Variants in TRIM40 observed in about 807,000 individuals in gnomAD.
TRIM40 encodes the protein tripartite motif containing 40.
A neutral mutation model predicts 26.1 loss-of-function variants in TRIM40; 27 were observed. The ratio of observed to expected loss-of-function variants is 1.04; its 90% CI spans 0.76 to 1.43. The LOEUF (loss-of-function observed/expected upper bound fraction) is 1.43. Ranked by LOEUF, TRIM40 falls within the 40% of genes most tolerant of loss-of-function variation. The pLI, the probability that TRIM40 is intolerant of heterozygous loss-of-function variation, is 0.00. For synonymous variants in TRIM40, 114 were observed against 120.0 expected (o/e 0.95, Z 0.33); for missense variants, 289 against 307.9 (o/e 0.94, Z 0.46).
chr6:30,139,816 A>C (rs911585703), intron 2 of TRIM40, among the ~76,000 whole-genome samples: 4 of 152,168 alleles, frequency 2.6e-5, no homozygotes, highest in Non-Finnish European at 5.9e-5. Flanking sequence ...TATTTGAAGA[A>C]TTTATCATTA....
rs575174394 is a variant in TRIM40, at chr6:30,148,663, C to T, written c.*851C>T. On this transcript the variant is annotated 3_prime_UTR_variant, in exon 6 of 6. Coordinates refer to ENST00000396581, the MANE Select transcript of TRIM40 (RefSeq NM_001286633.2). ...GTCTTGTGAGTACCTAAGCTGAGGA[C>T]CCAGTGAAGCTGTGCCAAAATTTCC... The T allele has an allele frequency of 6.6e-6, 1 of 152,172 alleles. No individual in the cohort carries two copies. Among genetic ancestry groups the T allele is most frequent in the African/African-American group, 2.4e-5 (1 of 41,428 alleles). 9.4% of individuals were successfully genotyped at this position (152,172 alleles called of 1,614,324 possible).
chr6:30,145,785 AC>A (rs907503669), intron 2 of TRIM40, among the ~76,000 whole-genome samples: 5 of 152,224 alleles, frequency 3.3e-5, no homozygotes, highest in Admixed American at 6.5e-5. Flanking sequence ...TAAAAAAATT[AC>A]CCATTACTAT....
chr6:30,146,857 C>G (rs894299559), intron 3 of TRIM40, 128 bp from the exon 4 acceptor site: 4 of 896,938 alleles, frequency 4.5e-6, no homozygotes, highest in South Asian at 1.7e-5. Flanking sequence ...ATACCTGTGA[C>G]ACACAGAGGC....
intron 2 of TRIM40, among the ~76,000 whole-genome samples, chr6:30,139,820 A>G (rs944344738): frequency 6.6e-6 from 1 of 152,224 alleles, no homozygotes; most frequent in Admixed American, 6.5e-5. Context: ...TGAAGAATTT[A>G]TCATTAGAGT....
intron 3 of TRIM40, 29 bp from the exon 4 acceptor site, chr6:30,146,956 C>T (rs753500687): frequency 1.3e-6 from 2 of 1,554,652 alleles, no homozygotes; most frequent in South Asian, 2.4e-5. Flanking sequence ...CCACCTGACA[C>T]TGAGTCTTAG....
intron 2 of TRIM40, among the ~76,000 whole-genome samples, chr6:30,140,827 G>A (rs571834774): frequency 5.6e-4 from 86 of 152,282 alleles, no homozygotes; most frequent in African/African-American, 1.9e-3. Context: ...TGGTAGAACA[G>A]GTTTGAATGC....
intron 2 of TRIM40, among the ~76,000 whole-genome samples, chr6:30,145,726 A>T (rs965196093): frequency 6.6e-6 from 1 of 152,258 alleles, no homozygotes; most frequent in African/African-American, 2.4e-5. Flanking sequence ...GAAGTCAAGT[A>T]GAAATGGTTC....
At chr6:30,146,235 G>A (rs188277226) in intron 3 of TRIM40, 146 bp downstream of exon 3, 139 of 674,676 alleles carry the variant, frequency 2.1e-4, no homozygotes, top group African/African-American at 1.9e-3. Context: ...TGGCCTTGGC[G>A]TCAAAGTTTG....
intron 2 of TRIM40, among the ~76,000 whole-genome samples, chr6:30,140,980 A>G (rs1006369221): frequency 6.6e-6 from 1 of 152,100 alleles, no homozygotes; most frequent in Admixed American, 6.5e-5. Flanking sequence ...CCAGGCAAAG[A>G]CAATATTTAA....
intron 2 of TRIM40, among the ~76,000 whole-genome samples, chr6:30,144,983 A>G (rs1471134303): frequency 6.6e-6 from 1 of 152,072 alleles, no homozygotes; most frequent in Non-Finnish European, 1.5e-5. Flanking sequence ...TGCAGGAAAC[A>G]CCCAGTGACG....
intron 2 of TRIM40, among the ~76,000 whole-genome samples, chr6:30,143,982 G>A (rs1771501237): frequency 2.0e-5 from 3 of 151,992 alleles, no homozygotes; most frequent in Admixed American, 1.3e-4. Flanking sequence ...ACCTTAATAG[G>A]CCTGACTTTG....
At position 30,147,537 on chromosome 6, in the gene TRIM40, G is replaced by C. The variant is rs756126462; in HGVS notation, c.684G>C (p.Leu228=). The change falls in exon 5 of 6, where the codon CTG becomes CTC. Residue 228 remains leucine, a synonymous_variant. Transcript: ENST00000396581. Reference sequence around the variant, plus strand: ...TCTCCTAGAATGCTGGTGACTTACTGAACAGGTACGAGCTGTCCCTTCTTC... The same window carrying C: ...TCTCCTAGAATGCTGGTGACTTACTCAACAGGTACGAGCTGTCCCTTCTTC... The part of the protein sequence containing the change: ...TNTLKNAGDL[L]NRSAPQKLEV... 6.2e-7 allele frequency: 1 copy of C among 1,614,130 alleles called. No individual in the cohort carries two copies. Among genetic ancestry groups the C allele is most frequent in the Admixed American group, 1.7e-5 (1 of 60,016 alleles).
intron 2 of TRIM40, among the ~76,000 whole-genome samples, chr6:30,145,150 T>A (rs1771571744): frequency 6.6e-6 from 1 of 152,000 alleles, no homozygotes; most frequent in African/African-American, 2.4e-5. Context: ...TTCAGTTGTC[T>A]TCACCATCCC....
At chr6:30,140,113 C>T (rs965744431) in intron 2 of TRIM40, among the ~76,000 whole-genome samples, 10 of 152,224 alleles carry the variant, frequency 6.6e-5, no homozygotes, top group Admixed American at 2.0e-4. Context: ...CGCTTTTACA[C>T]TGTTGGTGGG....
chr6:30,145,932 C>A, intron 2 of TRIM40, 62 bp from the exon 3 acceptor site: 1 of 1,328,870 alleles, frequency 7.5e-7, no homozygotes, highest in Non-Finnish European at 1.1e-6. Flanking sequence ...GTTCCATTGA[C>A]TCCTCCCAGT....
At chr6:30,140,878 G>A (rs115149780) in intron 2 of TRIM40, among the ~76,000 whole-genome samples, 1,685 of 152,288 alleles carry the variant, frequency 0.011, 24 homozygotes, top group African/African-American at 0.034. Context: ...AGTCCAAGTT[G>A]AGACACATCA....
At chr6:30,142,224 C>G (rs745346100) in intron 2 of TRIM40, among the ~76,000 whole-genome samples, 1 of 151,882 alleles carries the variant, frequency 6.6e-6, no homozygotes, top group African/African-American at 2.4e-5. Flanking sequence ...CTAAAAAGAC[C>G]GAAAAATTTA....
At chr6:30,146,220 G>A in intron 3 of TRIM40, 131 bp downstream of exon 3, 1 of 753,308 alleles carries the variant, frequency 1.3e-6, no homozygotes, top group Middle Eastern at 3.7e-4. Flanking sequence ...TGAAAACCCG[G>A]GTGTTGGCCT....
rs192975436 is a variant in TRIM40, at chr6:30,146,362, C to T, written c.441+273C>T. Among the ~76,000 whole-genome samples the T allele has an allele frequency of 2.4e-4, 36 of 152,214 alleles. No homozygotes were observed. In the South Asian group the frequency reaches 4.6e-3, roughly 19 times the overall value. On this transcript the variant is annotated intron_variant, in intron 3 of 5. Coordinates refer to ENST00000396581, the MANE Select transcript of TRIM40 (RefSeq NM_001286633.2). The stretch of plus-strand genomic sequence containing the variant: ...TAGGGATCAAAGGAGACCAGTGTCT[C>T]GTCAACTGAAAATTACTACACAAGC...
Sources: gnomAD v4.1 joint callset for allele counts (sites outside exome capture counted in the v4.1 genomes callset) on GRCh38, gnomAD v4.1.1 for gene constraint, MANE v1.5 for transcripts, NCBI Gene and HGNC (gene_info 2026-07-23, HGNC 2026-07-21) for gene names.